Variants in FZR1 observed in about 807,000 individuals in gnomAD.
FZR1 encodes fizzy-related protein homolog.
In FZR1, 11 loss-of-function variants were observed where a neutral mutation model predicts 63.6. That is an observed-to-expected ratio of 0.17 (90% CI 0.11 to 0.29). The LOEUF is 0.29. FZR1 is among the 10% of genes least tolerant of loss of function. The pLI, the probability that FZR1 is intolerant of heterozygous loss-of-function variation, is 1.00. For synonymous variants in FZR1, 328 were observed against 297.9 expected, an observed-to-expected ratio of 1.10 and a Z score of -1.04; for missense variants, 440 against 687.5, an observed-to-expected ratio of 0.64 and a Z score of 4.03.
intron 8 of FZR1, 94 bp downstream of exon 8, chr19:3,530,951 C>A: frequency 1.2e-6 from 1 of 852,156 alleles, no homozygotes; most frequent in Non-Finnish European, 1.9e-6. Flanking sequence ...TAGTGCGTGG[C>A]CTGAGGTCGC....
rs199684221 is a variant in FZR1 at position 3,527,110 on chromosome 19, C to G, written c.470+48C>G. On this transcript the variant is annotated intron_variant, in intron 6 of 13. Transcript: ENST00000441788. ...GCCCTCCCTACTCCCTGTCTCCCGTCAGCAGCAAGAGGTGGGTCCCAGCTT... is the reference window on the plus strand; with the variant it reads ...GCCCTCCCTACTCCCTGTCTCCCGTGAGCAGCAAGAGGTGGGTCCCAGCTT... The G allele has an allele frequency of 5.7e-5, 81 of 1,430,964 alleles. No individual in the cohort carries two copies. In the Admixed American group the frequency reaches 6.9e-4, roughly 12 times the overall value. 88.6% of individuals were successfully genotyped at this position (1,430,964 alleles called of 1,614,324 possible).
intron 2 of FZR1, among the ~76,000 whole-genome samples, chr19:3,524,686 C>T (rs2083135147): frequency 6.6e-6 from 1 of 152,154 alleles, no homozygotes; most frequent in Non-Finnish European, 1.5e-5. Context: ...ACGGTGTGGG[C>T]AGGGCCACGC....
chr19:3,526,304 C>T lies in FZR1; in HGVS notation c.305C>T (p.Ala102Val). The change falls in exon 5 of 14, where the codon GCC becomes GTC. Residue 102 changes from alanine (A) to valine (V), a missense_variant. Coordinates refer to ENST00000441788, the MANE Select transcript of FZR1 (RefSeq NM_016263.4). The surrounding 1 kb of genome is among the most constrained non-coding windows in gnomAD (Gnocchi z 5.4). ...SALLKNELLG[A>V]GIEKVQDPQT... The stretch of plus-strand genomic sequence containing the variant: ...CTGCTCAAGAATGAGCTGCTGGGTG[C>T]CGGCATCGAGAAGGTGCAGGACCCG... 6.2e-7 allele frequency: 1 copy of T among 1,606,528 alleles called. No homozygotes were observed. The highest frequency in any genetic ancestry group is 8.5e-7 in the Non-Finnish European group (1 of 1,177,226).
At chr19:3,510,869 C>G (rs1027589314) in intron 1 of FZR1, among the ~76,000 whole-genome samples, 1 of 152,254 alleles carries the variant, frequency 6.6e-6, no homozygotes, top group African/African-American at 2.4e-5. Flanking sequence ...TGCTGCTCAG[C>G]GCCCCGCAGA....
chr19:3,520,495 A>G (rs2083092067), intron 1 of FZR1, among the ~76,000 whole-genome samples: 1 of 152,198 alleles, frequency 6.6e-6, no homozygotes, highest in Non-Finnish European at 1.5e-5. Context: ...TCATCTGCAC[A>G]GGCGGTGGGC....
intron 1 of FZR1, among the ~76,000 whole-genome samples, chr19:3,519,998 C>G (rs2083087085): frequency 6.6e-6 from 1 of 152,118 alleles, no homozygotes; most frequent in South Asian, 2.1e-4. Flanking sequence ...TGCGTAGATT[C>G]CCTGTTCATC....
intron 1 of FZR1, among the ~76,000 whole-genome samples, chr19:3,508,200 CTTTTTTTTTT>C (rs71166908): frequency 2.2e-5 from 2 of 91,116 alleles, no homozygotes; most frequent in Non-Finnish European, 4.1e-5. Context: ...CATTGATTTT[CTTTTTTTTTT>C]TTTTTTTTTT....
Position 3,537,861 on chromosome 19 carries a change from G to C in FZR1, c.*3025G>C, listed in dbSNP as rs578088630. The C allele has an allele frequency of 1.3e-5, 2 of 152,700 alleles. No homozygotes were observed. The highest frequency in any genetic ancestry group is 2.1e-4 in the South Asian group (1 of 4,850). The allele number at this position is 152,700 out of a possible 1,614,324, so 9.5% of individuals were successfully genotyped here. On this transcript the variant is annotated 3_prime_UTR_variant, in exon 14 of 14. Transcript: ENST00000441788. ...AGGAAGTGAGGAGGTGGCGTCACAA[G>C]GGTGGGGAGGGGGCCTTGGGGAAGG...
chr19:3,519,197 C>T (rs1456057363), intron 1 of FZR1, among the ~76,000 whole-genome samples: 1 of 152,264 alleles, frequency 6.6e-6, no homozygotes, highest in Admixed American at 6.5e-5. Context: ...CCCGTCCACA[C>T]CTGCCACCCT....
Position 3,525,557 on chromosome 19 carries a change from C to T in FZR1, c.70-311C>T, listed in dbSNP as rs1017373189. Among the ~76,000 whole-genome samples the T allele has an allele frequency of 6.6e-6, 1 of 151,246 alleles. No individual in the cohort carries two copies. The highest frequency in any genetic ancestry group is 1.5e-5 in the Non-Finnish European group (1 of 67,930). On this transcript the variant is annotated intron_variant, in intron 2 of 13. Coordinates refer to ENST00000441788, the MANE Select transcript of FZR1 (RefSeq NM_016263.4). This position sits in a 1 kb window ranked among gnomAD's most constrained non-coding sequence, Gnocchi z 4.2. ...TCCCAGGTTCATGCCATTCTCCTGC[C>T]TCAGCCTCCCGAGTAGCTGGGACTA...
rs780985301 is a variant in FZR1, at chr19:3,526,970, C to G, written c.388-10C>G. 9 of 1,604,596 alleles carry G rather than the reference C, an allele frequency of 5.6e-6. No homozygotes were observed. In the East Asian group the frequency reaches 2.0e-4, roughly 36 times the overall value. On this transcript the variant is annotated splice_polypyrimidine_tract_variant and intron_variant, in intron 5 of 13. Transcript: ENST00000441788. The surrounding 1 kb of genome is among the most constrained non-coding windows in gnomAD (Gnocchi z 5.4). ...GCGTGCGCTCAGCTGGCATGTCCCC[C>G]GCTCCACAGTATTCCCTTAGCACCA...
rs144338451 is a variant in FZR1, at chr19:3,531,915, G to A, written c.828G>A (p.Ala276=). Reference sequence around the variant, plus strand: ...CCGCTTCCACCTGGCCTCCAGGGGCGCTGGCCTGGAATGCTGAGCAGCTGT... The same window carrying A: ...CCGCTTCCACCTGGCCTCCAGGGGCACTGGCCTGGAATGCTGAGCAGCTGT... ...MLEGHTARVG[A]LAWNAEQLSS... The change falls in exon 10 of 14, where the codon GCG becomes GCA. Residue 276 remains alanine (A), a synonymous_variant. Transcript: ENST00000441788. 13 of 1,594,166 alleles carry A rather than the reference G, an allele frequency of 8.2e-6. No individual in the cohort carries two copies. The East Asian group carries it at 9.1e-5, about 11-fold the overall frequency.
At position 3,537,826 on chromosome 19, in the gene FZR1, G is replaced by T. The variant is rs2030043777; in HGVS notation, c.*2990G>T. The T allele has an allele frequency of 6.6e-6, 1 of 152,666 alleles. No individual in the cohort carries two copies. The highest frequency in any genetic ancestry group is 2.4e-5 in the African/African-American group (1 of 41,446). 9.5% of individuals were successfully genotyped at this position (152,666 alleles called of 1,614,324 possible). On this transcript the variant is annotated 3_prime_UTR_variant, in exon 14 of 14. Transcript: ENST00000441788. ...ATGGGGGACACAGCCCAGAGACAGA[G>T]AAGCTTATGAGGAAGTGAGGAGGTG...
intron 1 of FZR1, among the ~76,000 whole-genome samples, chr19:3,513,944 C>A (rs2083040841): frequency 6.6e-6 from 1 of 152,156 alleles, no homozygotes; most frequent in Admixed American, 6.5e-5. Flanking sequence ...TCCTTTTGTC[C>A]GTTAAAGAGC....
At position 3,525,800 on chromosome 19, in the gene FZR1, G is replaced by C; in HGVS notation, c.70-68G>C. 1 of 1,565,344 alleles carries C rather than the reference G, an allele frequency of 6.4e-7. No individual in the cohort carries two copies. Among genetic ancestry groups the C allele is most frequent in the Non-Finnish European group, 8.7e-7 (1 of 1,155,184 alleles). On this transcript the variant is annotated intron_variant, in intron 2 of 13. Coordinates refer to ENST00000441788, the MANE Select transcript of FZR1 (RefSeq NM_016263.4). This position sits in a 1 kb window ranked among gnomAD's most constrained non-coding sequence, Gnocchi z 4.2. ...TGCTCAGTGGCCAGAGGCTGAGAGA[G>C]GCTGGCCTGGGGGCACTCTCGGGGG...
rs1188998005 is a variant in FZR1 at position 3,514,916 on chromosome 19, T to G, written c.-34-8040T>G. 6.6e-6 allele frequency among the ~76,000 whole-genome samples: 1 copy of G among 152,170 alleles called. No individual in the cohort carries two copies. The highest frequency in any genetic ancestry group is 1.5e-5 in the Non-Finnish European group (1 of 68,018). On this transcript the variant is annotated intron_variant, in intron 1 of 13. Coordinates refer to ENST00000441788, the MANE Select transcript of FZR1 (RefSeq NM_016263.4). This position sits in a 1 kb window ranked among gnomAD's most constrained non-coding sequence, Gnocchi z 4.2. ...CCCGGGGCAGTGGCAGAAGGAGGCC[T>G]CCTGGCTCTTCATTCTGGGGCCCAG...
At chr19:3,520,038 C>G (rs1031152854) in intron 1 of FZR1, among the ~76,000 whole-genome samples, 1 of 152,228 alleles carries the variant, frequency 6.6e-6, no homozygotes, top group African/African-American at 2.4e-5. Flanking sequence ...GCCCCACACC[C>G]ACACCTTTCC....
intron 1 of FZR1, among the ~76,000 whole-genome samples, chr19:3,520,197 A>T (rs1348586904): frequency 2.0e-5 from 3 of 152,170 alleles, no homozygotes; most frequent in Non-Finnish European, 2.9e-5. Context: ...GTGGGGACAC[A>T]TGGGCCTTTG....
intron 1 of FZR1, among the ~76,000 whole-genome samples, chr19:3,513,408 C>T (rs2122114811): frequency 6.6e-6 from 1 of 152,286 alleles, no homozygotes; most frequent in Non-Finnish European, 1.5e-5. Flanking sequence ...CACTTCGCCT[C>T]CTGGGGCAAG....
Sources: allele counts gnomAD v4.1 joint callset (sites outside exome capture counted in the v4.1 genomes callset), GRCh38; gene constraint gnomAD v4.1.1; non-coding constraint Gnocchi (gnomAD v3.1); transcripts MANE v1.5; gene names NCBI Gene and HGNC (gene_info 2026-07-23, HGNC 2026-07-21).